DPP6: variants seen among roughly 807,000 people sequenced by gnomAD.
The protein encoded by DPP6 is A-type potassium channel modulatory protein DPP6.
DPP6 carries 69 observed loss-of-function variants against 122.6 expected under a neutral mutation model. That is an observed-to-expected ratio of 0.56 (90% CI 0.46 to 0.69). The LOEUF is 0.69. DPP6 is among the 30% of genes least tolerant of loss of function. The pLI, the probability that DPP6 is intolerant of heterozygous loss-of-function variation, is 0.00. For synonymous variants in DPP6, 418 were observed against 433.1 expected (o/e 0.97, Z 0.43); for missense variants, 928 against 1,116.9 (o/e 0.83, Z 2.41).
intron 1 of DPP6, among the ~76,000 whole-genome samples, chr7:154,393,554 A>AT (rs552425581): frequency 0.034 from 4,803 of 141,378 alleles, 101 homozygotes; most frequent in Admixed American, 0.048. Flanking sequence ...AGATTGTTCA[A>AT]TTTTTTTTTT....
At chr7:154,803,461 C>T (rs562552533) in intron 13 of DPP6, among the ~76,000 whole-genome samples, 26 of 152,290 alleles carry the variant, frequency 1.7e-4, no homozygotes, top group East Asian at 3.9e-4. Context: ...CTCCACCTCC[C>T]GGCATTTGTC....
intron 1 of DPP6, among the ~76,000 whole-genome samples, chr7:154,394,772 G>A (rs915093411): frequency 6.6e-6 from 1 of 152,140 alleles, no homozygotes; most frequent in Admixed American, 6.5e-5. Flanking sequence ...TTTGTATATA[G>A]TGTAAGGTAA....
chr7:154,359,853 A>G (rs1027653366), intron 1 of DPP6, among the ~76,000 whole-genome samples: 6 of 152,214 alleles, frequency 3.9e-5, no homozygotes, highest in Non-Finnish European at 8.8e-5. Context: ...GTTTTGACTA[A>G]TCAAGGAAGC....
At chr7:154,336,670 G>C (rs1809455223) in intron 1 of DPP6, among the ~76,000 whole-genome samples, 1 of 152,216 alleles carries the variant, frequency 6.6e-6, no homozygotes, top group Admixed American at 6.5e-5. Context: ...GTTGTGGGGA[G>C]AAAACCCCAC....
chr7:154,127,029 T>G (rs1243407531), intron 1 of DPP6, among the ~76,000 whole-genome samples: 4 of 152,182 alleles, frequency 2.6e-5, no homozygotes, highest in Non-Finnish European at 4.4e-5. Flanking sequence ...CATAGTTAAA[T>G]CCATCGTAAT....
In DPP6 at chr7:154,662,813, G is replaced by T. The variant is rs565316818; in HGVS notation, c.681-6547G>T. 4.7e-3 allele frequency among the ~76,000 whole-genome samples: 167 copies of T among 35,358 alleles called. 62 individuals carry two copies. The East Asian group carries it at 0.31, about 65-fold the overall frequency. The allele number at this position is 35,358 out of a possible 152,430, so 23.2% of individuals were successfully genotyped here. A position where few individuals can be genotyped will look rare whatever the true frequency, so the allele number is the denominator to read the frequency against. ...TGTAGTCAAGATGAATCACCATGGT[G>T]TATTGGCGCTAGTATTCATATAATC... On this transcript the variant is annotated intron_variant, in intron 6 of 25. Transcript: ENST00000377770.
the DPP6 span, among the ~76,000 whole-genome samples, chr7:153,857,652 TAAACTA>T: frequency 6.6e-6 from 1 of 152,186 alleles, no homozygotes; most frequent in Non-Finnish European, 1.5e-5. Flanking sequence ...AGATATCAGT[TAAACTA>T]AAGCAGATGC....
chr7:154,883,524 TCA>T (rs138182592), intron 21 of DPP6: 4 of 117,240 alleles, frequency 3.4e-5, no homozygotes, highest in South Asian at 2.7e-4. Context: ...ATACACATGC[TCA>T]CACACGCTCA....
In DPP6 at chr7:154,892,524, G is replaced by T; in HGVS notation, c.*44G>T. ...ACAAACGTGGCTCTTTCTACAACCAGATGCAACCGAGGGATTTCCCTGCCC... is the reference window on the plus strand; with the variant it reads ...ACAAACGTGGCTCTTTCTACAACCATATGCAACCGAGGGATTTCCCTGCCC... On this transcript the variant is annotated 3_prime_UTR_variant, in exon 26 of 26. Coordinates refer to ENST00000377770, the MANE Select transcript of DPP6 (RefSeq NM_130797.4). 1 of 1,521,888 alleles carries T rather than the reference G, an allele frequency of 6.6e-7. No individual in the cohort carries two copies. The highest frequency in any genetic ancestry group is 1.1e-5 in the South Asian group (1 of 89,622). 94.3% of individuals were successfully genotyped at this position (1,521,888 alleles called of 1,614,324 possible). A position where few individuals can be genotyped will look rare whatever the true frequency, so the allele number is the denominator to read the frequency against.
chr7:154,036,144 C>T (rs372047444), intron 1 of DPP6, among the ~76,000 whole-genome samples: 2 of 151,830 alleles, frequency 1.3e-5, no homozygotes, highest in Non-Finnish European at 2.9e-5. Context: ...AAGCCTCACT[C>T]TGTTACCCAG....
intron 1 of DPP6, among the ~76,000 whole-genome samples, chr7:154,172,089 T>A (rs1340020508): frequency 6.6e-6 from 1 of 152,156 alleles, no homozygotes. Flanking sequence ...TCCCTTTCAC[T>A]GAGCCTCATT....
intron 7 of DPP6, among the ~76,000 whole-genome samples, chr7:154,715,049 T>TTTATTTTATC (rs1554443839): frequency 3.3e-5 from 5 of 151,724 alleles, no homozygotes; most frequent in African/African-American, 9.7e-5. Flanking sequence ...TTTATTTTAT[T>TTTATTTTATC]TTATCTTATC....
intron 7 of DPP6, among the ~76,000 whole-genome samples, chr7:154,719,896 G>A (rs1181889940): frequency 6.6e-6 from 1 of 152,212 alleles, no homozygotes; most frequent in East Asian, 1.9e-4. Context: ...GAAGGCCTCT[G>A]TCTGTGGGTT....
At chr7:154,309,581 T>G (rs1419557745) in intron 1 of DPP6, among the ~76,000 whole-genome samples, 1 of 152,242 alleles carries the variant, frequency 6.6e-6, no homozygotes, top group African/African-American at 2.4e-5. Flanking sequence ...CTCTCTGATT[T>G]TGATCTTGTT....
chr7:154,005,316 A>G (rs992132982), intron 1 of DPP6, among the ~76,000 whole-genome samples: 9 of 152,170 alleles, frequency 5.9e-5, no homozygotes, highest in South Asian at 4.1e-4. Context: ...GGGCTTCCCC[A>G]GTTGGCCTGG....
intron 1 of DPP6, among the ~76,000 whole-genome samples, chr7:154,024,129 T>C (rs1437220876): frequency 2.0e-5 from 3 of 152,150 alleles, no homozygotes; most frequent in African/African-American, 7.2e-5. Context: ...ATAAGAGGTG[T>C]GGGCGAGAAG....
At chr7:154,092,509 A>C (rs1804928085) in intron 1 of DPP6, 1 of 148,292 alleles carries the variant, frequency 6.7e-6, no homozygotes, top group Admixed American at 6.7e-5. Flanking sequence ...ATTTTTCAGA[A>C]CAGAACAGGT....
chr7:154,599,404 C>T (rs79451960), intron 5 of DPP6, among the ~76,000 whole-genome samples: 240 of 152,134 alleles, frequency 1.6e-3, no homozygotes, highest in African/African-American at 5.6e-3. Context: ...ATGGAGAAAA[C>T]GTGGCTCAGG....
rs34931013 is a variant in DPP6 at position 154,624,326 on chromosome 7, T to TAAAAA, written c.628-13483_628-13479dup. Among the ~76,000 whole-genome samples the TAAAAA allele has an allele frequency of 9.3e-5, 13 of 139,962 alleles. No individual in the cohort carries two copies. Among genetic ancestry groups the TAAAAA allele is most frequent in the Admixed American group, 1.4e-4 (2 of 13,928 alleles). 91.8% of individuals were successfully genotyped at this position (139,962 alleles called of 152,430 possible). On this transcript the variant is annotated intron_variant, in intron 5 of 25. Coordinates refer to ENST00000377770, the MANE Select transcript of DPP6 (RefSeq NM_130797.4). This position sits in a 1 kb window ranked among gnomAD's most constrained non-coding sequence, Gnocchi z 4.7. ...AGGGCGACAGAGTGAGACTCCATCT[T>TAAAAA]AAAAAAAAAAAAAAAATCAGCTTGG...
Sources: gnomAD v4.1 joint callset for allele counts (sites outside exome capture counted in the v4.1 genomes callset) on GRCh38, gnomAD v4.1.1 for gene constraint, Gnocchi (gnomAD v3.1) non-coding constraint, MANE v1.5 for transcripts, NCBI Gene and HGNC (gene_info 2026-07-23, HGNC 2026-07-21) for gene names.